Variants in KCNT2 observed in about 807,000 individuals in gnomAD.
KCNT2 encodes potassium sodium-activated channel subfamily T member 2, also known as potassium channel subfamily T member 2.
KCNT2 carries 67 observed loss-of-function variants against 153.8 expected under a neutral mutation model. The observed-to-expected ratio is 0.44, with a 90% CI of 0.36 to 0.53. The LOEUF is 0.53. KCNT2 is among the 20% of genes least tolerant of loss of function. KCNT2 has a pLI of 0.00. For synonymous variants in KCNT2, 500 were observed against 458.8 expected, an observed-to-expected ratio of 1.09 and a Z score of -1.15; for missense variants, 975 against 1,354.8, an observed-to-expected ratio of 0.72 and a Z score of 4.40.
intron 1 of KCNT2, among the ~76,000 whole-genome samples, chr1:196,516,307 GGCAATTAGGGACTGCGGTGGTCCCCCA>G (rs1383378620): frequency 2.6e-5 from 4 of 151,986 alleles, no homozygotes; most frequent in African/African-American, 9.7e-5. Flanking sequence ...GGGAATCAGG[GGCAATTAGGGACTGCGGTGGTCCCCCA>G]GCACAGCACA....
intron 13 of KCNT2, among the ~76,000 whole-genome samples, chr1:196,382,175 T>G (rs960191317): frequency 1.3e-5 from 2 of 151,958 alleles, no homozygotes; most frequent in Non-Finnish European, 2.9e-5. Flanking sequence ...CGCGGCTCAC[T>G]GCAAGCTCCG....
rs181270170 is a variant in KCNT2 at position 196,552,620 on chromosome 1, G to C, written c.95+55595C>G. Among the ~76,000 whole-genome samples the C allele has an allele frequency of 1.6e-3, 237 of 151,496 alleles. 1 individual carries two copies. Among genetic ancestry groups the C allele is most frequent in the Non-Finnish European group, 1.8e-3 (121 of 67,546 alleles). ...AAATAGTAAGTACACAGAAAACACA[G>C]AATAATGTTAAAATGTAATTGTGGT... On this transcript the variant is annotated intron_variant, in intron 1 of 27. Transcript: ENST00000294725.
intron 13 of KCNT2, among the ~76,000 whole-genome samples, chr1:196,389,966 G>T (rs1433864034): frequency 6.6e-6 from 1 of 151,480 alleles, no homozygotes; most frequent in Non-Finnish European, 1.5e-5. Flanking sequence ...TTCTGCTTAT[G>T]ATTCTTTGGT....
chr1:196,242,643 C>T (rs1486444160), intron 26 of KCNT2, among the ~76,000 whole-genome samples: 1 of 152,058 alleles, frequency 6.6e-6, no homozygotes, highest in East Asian at 1.9e-4. Context: ...TTAAGTCATT[C>T]AGTAATGATA....
At chr1:196,550,946 A>G (rs1259039126) in intron 1 of KCNT2, among the ~76,000 whole-genome samples, 2 of 151,890 alleles carry the variant, frequency 1.3e-5, no homozygotes, top group South Asian at 2.1e-4. Context: ...TCACATTCAT[A>G]TATTTATGAT....
chr1:196,429,670 A>C lies in KCNT2; in HGVS notation c.726T>G (p.Thr242=). 6.2e-7 allele frequency: 1 copy of C among 1,612,794 alleles called. No individual in the cohort carries two copies. The highest frequency in any genetic ancestry group is 8.5e-7 in the Non-Finnish European group (1 of 1,179,106). Residue 242 remains threonine, a synonymous_variant, in exon 9 of 28, where the codon ACT becomes ACG. Coordinates refer to ENST00000294725, the MANE Select transcript of KCNT2 (RefSeq NM_198503.5). ...SLYFCIVTFS[T]VGFGDVTPET... ...CAGGAGTGACATCCCCGAAGCCCAC[A>C]GTAGAAAACGTCACAATGCAGAAAT...
At chr1:196,575,168 T>C (rs943645721) in intron 1 of KCNT2, among the ~76,000 whole-genome samples, 8 of 152,304 alleles carry the variant, frequency 5.3e-5, no homozygotes, top group African/African-American at 1.9e-4. Flanking sequence ...TCAAGATCTA[T>C]GATCTGCATT....
At chr1:196,603,426 A>G (rs566946279) in intron 1 of KCNT2, among the ~76,000 whole-genome samples, 1 of 152,298 alleles carries the variant, frequency 6.6e-6, no homozygotes, top group Admixed American at 6.5e-5. Context: ...AAAGTTAGTA[A>G]TTTATAAAAT....
At chr1:196,286,192 G>C (rs1472078592) in intron 22 of KCNT2, among the ~76,000 whole-genome samples, 2 of 152,128 alleles carry the variant, frequency 1.3e-5, no homozygotes, top group South Asian at 4.1e-4. Context: ...CTGAATGTTT[G>C]TGTCCCCTCA....
At chr1:196,525,979 A>G (rs1447466158) in intron 1 of KCNT2, among the ~76,000 whole-genome samples, 1 of 151,932 alleles carries the variant, frequency 6.6e-6, no homozygotes, top group African/African-American at 2.4e-5. Flanking sequence ...TGGCAACTTT[A>G]TAGAACATAA....
At chr1:196,505,535 T>G (rs1681061405) in intron 1 of KCNT2, among the ~76,000 whole-genome samples, 2 of 151,210 alleles carry the variant, frequency 1.3e-5, no homozygotes, top group South Asian at 4.2e-4. Flanking sequence ...CCAGCTTTGT[T>G]CTTTTGGCTT....
At chr1:196,457,103 T>G (rs1245986853) in intron 8 of KCNT2, among the ~76,000 whole-genome samples, 1 of 151,934 alleles carries the variant, frequency 6.6e-6, no homozygotes, top group Non-Finnish European at 1.5e-5. Context: ...CAACACACAT[T>G]ATTATGTACT....
intron 26 of KCNT2, among the ~76,000 whole-genome samples, chr1:196,236,588 T>G (rs947075272): frequency 2.0e-5 from 3 of 151,596 alleles, no homozygotes; most frequent in Non-Finnish European, 4.4e-5. Flanking sequence ...CTCATGTAAC[T>G]CATCCTAATG....
intron 1 of KCNT2, among the ~76,000 whole-genome samples, chr1:196,571,625 G>A (rs556899412): frequency 1.3e-5 from 2 of 152,140 alleles, no homozygotes; most frequent in South Asian, 4.1e-4. Flanking sequence ...AGGTAATTGT[G>A]ATCAACAGAT....
chr1:196,467,601 CAA>C (rs1677735248), intron 7 of KCNT2, 100 bp downstream of exon 7: 1 of 644,894 alleles, frequency 1.6e-6, no homozygotes, highest in South Asian at 2.8e-5. Context: ...TTAGAAAGTT[CAA>C]GACTAGATCC....
chr1:196,550,006 G>A (rs1414273309), intron 1 of KCNT2, among the ~76,000 whole-genome samples: 1 of 151,742 alleles, frequency 6.6e-6, no homozygotes, highest in African/African-American at 2.4e-5. Flanking sequence ...CTTGACAAAC[G>A]ATTTAAGATC....
chr1:196,375,442 A>T (rs1049239940), intron 13 of KCNT2, among the ~76,000 whole-genome samples: 7 of 151,924 alleles, frequency 4.6e-5, no homozygotes, highest in African/African-American at 1.7e-4. Flanking sequence ...AATTAAGAGA[A>T]ATTTTACTTT....
chr1:196,418,693 A>T (rs1672949086), intron 12 of KCNT2, among the ~76,000 whole-genome samples: 1 of 152,102 alleles, frequency 6.6e-6, no homozygotes, highest in Non-Finnish European at 1.5e-5. Flanking sequence ...TTACAAGGAC[A>T]TCAGCCATAT....
chr1:196,416,789 T>C (rs1181523193), intron 12 of KCNT2, among the ~76,000 whole-genome samples: 13 of 152,096 alleles, frequency 8.5e-5, no homozygotes, highest in South Asian at 2.1e-4. Context: ...CCAATTATAC[T>C]CTTAGTTATT....
Sources: allele counts gnomAD v4.1 joint callset (sites outside exome capture counted in the v4.1 genomes callset), GRCh38; gene constraint gnomAD v4.1.1; transcripts MANE v1.5; gene names NCBI Gene and HGNC (gene_info 2026-07-23, HGNC 2026-07-21).